ST6GALNAC5: variants seen among roughly 807,000 people sequenced by gnomAD.
The protein encoded by ST6GALNAC5 is ST6 N-acetylgalactosaminide alpha-2,6-sialyltransferase 5.
Under a neutral mutation model 33.6 loss-of-function variants are expected in ST6GALNAC5, and 27 were observed. That is an observed-to-expected ratio of 0.80 (90% confidence interval 0.59 to 1.11). The LOEUF is 1.11. Among genes scored for constraint, ST6GALNAC5 ranks in the 50% least tolerant of loss-of-function variants. The pLI is 0.00. For missense variants in ST6GALNAC5, 428 were observed against 454.0 expected (o/e 0.94, Z 0.52); for synonymous variants, 194 against 171.2 (o/e 1.13, Z -1.04).
At chr1:76,915,513 A>G (rs1040756438) in intron 2 of ST6GALNAC5, among the ~76,000 whole-genome samples, 9 of 152,238 alleles carry the variant, frequency 5.9e-5, no homozygotes, top group Admixed American at 5.2e-4. Flanking sequence ...CTACGCAGCC[A>G]TAAAAAATGA....
At chr1:77,029,294 G>A (rs552317778) in intron 2 of ST6GALNAC5, among the ~76,000 whole-genome samples, 1 of 152,320 alleles carries the variant, frequency 6.6e-6, no homozygotes, top group African/African-American at 2.4e-5. Context: ...GATCCCCAAA[G>A]ATGTGTAATA....
At chr1:76,985,808 T>G (rs910634137) in intron 2 of ST6GALNAC5, among the ~76,000 whole-genome samples, 1 of 151,980 alleles carries the variant, frequency 6.6e-6, no homozygotes, top group Admixed American at 6.6e-5. Context: ...CCAAAACAGA[T>G]ATATAGACCA....
rs946787914 is a variant in ST6GALNAC5 at position 77,064,008 on chromosome 1, A to G, written c.*802A>G. On this transcript the variant is annotated 3_prime_UTR_variant, in exon 5 of 5. Transcript: ENST00000477717. ...TGTGCAGAAATGTTCCAAAAGGACA[A>G]AATTGAAAACCAAAAACTATGTTAT... 4 of 152,602 alleles carry G rather than the reference A, an allele frequency of 2.6e-5. No individual in the cohort carries two copies. Among genetic ancestry groups the G allele is most frequent in the African/African-American group, 7.2e-5 (3 of 41,458 alleles). 9.5% of individuals were successfully genotyped at this position (152,602 alleles called of 1,614,324 possible).
intron 2 of ST6GALNAC5, among the ~76,000 whole-genome samples, chr1:77,033,353 G>T (rs2100450405): frequency 6.6e-6 from 1 of 152,308 alleles, no homozygotes; most frequent in South Asian, 2.1e-4. Flanking sequence ...TGTTTTAGTG[G>T]CAGGGAACAG....
chr1:76,967,492 T>C (rs1648546848), intron 2 of ST6GALNAC5, among the ~76,000 whole-genome samples: 1 of 152,228 alleles, frequency 6.6e-6, no homozygotes, highest in Non-Finnish European at 1.5e-5. Flanking sequence ...TTAGCAGTCT[T>C]GCTAGCAGTC....
In ST6GALNAC5 at chr1:77,026,922, G is replaced by A. The variant is rs1651261759; in HGVS notation, c.262-17282G>A. 2.0e-5 allele frequency among the ~76,000 whole-genome samples: 3 copies of A among 152,242 alleles called. No homozygotes were observed. The South Asian group carries it at 6.2e-4, about 32-fold the overall frequency. On this transcript the variant is annotated intron_variant, in intron 2 of 4. Coordinates refer to ENST00000477717, the MANE Select transcript of ST6GALNAC5 (RefSeq NM_030965.3). ...CCCACAGGCTTGTCCCCAAACTGAT[G>A]AAGAGCAAGGCAGGCACTGCGCACA...
intron 2 of ST6GALNAC5, among the ~76,000 whole-genome samples, chr1:76,895,052 C>T (rs1482129445): frequency 6.6e-6 from 1 of 151,862 alleles, no homozygotes; most frequent in Non-Finnish European, 1.5e-5. Context: ...CCAGGATGAG[C>T]CAGGAGAAGG....
At chr1:77,019,386 T>G (rs1392063141) in intron 2 of ST6GALNAC5, among the ~76,000 whole-genome samples, 1 of 152,206 alleles carries the variant, frequency 6.6e-6, no homozygotes, top group Non-Finnish European at 1.5e-5. Flanking sequence ...CCAGATTTGT[T>G]TTCATCACTG....
intron 2 of ST6GALNAC5, among the ~76,000 whole-genome samples, chr1:76,960,757 G>C (rs145956796): frequency 0.011 from 1,703 of 152,270 alleles, 30 homozygotes; most frequent in African/African-American, 0.039. Flanking sequence ...TGAAAGAAGA[G>C]AAATATGGCT....
intron 2 of ST6GALNAC5, among the ~76,000 whole-genome samples, chr1:77,022,020 C>A (rs559514374): frequency 3.9e-5 from 6 of 152,102 alleles, no homozygotes; most frequent in Non-Finnish European, 8.8e-5. Flanking sequence ...TGTCTTTTTT[C>A]CCCCAGCCAA....
At chr1:77,014,633 G>A (rs1557761489) in intron 2 of ST6GALNAC5, among the ~76,000 whole-genome samples, 1 of 152,178 alleles carries the variant, frequency 6.6e-6, no homozygotes, top group Non-Finnish European at 1.5e-5. Context: ...CCCACTGGTA[G>A]GCCAACAGAT....
chr1:76,893,586 C>T (rs984253027), intron 2 of ST6GALNAC5, among the ~76,000 whole-genome samples: 2 of 152,136 alleles, frequency 1.3e-5, no homozygotes, highest in African/African-American at 4.8e-5. Flanking sequence ...GCACAATTCC[C>T]AGCACATAGG....
At chr1:76,932,833 T>G (rs1647158470) in intron 2 of ST6GALNAC5, among the ~76,000 whole-genome samples, 1 of 152,060 alleles carries the variant, frequency 6.6e-6, no homozygotes, top group Admixed American at 6.6e-5. Context: ...TAGGATTAGT[T>G]CTTCAGATTG....
chr1:77,024,548 T>C (rs1651164506), intron 2 of ST6GALNAC5, among the ~76,000 whole-genome samples: 1 of 152,198 alleles, frequency 6.6e-6, no homozygotes, highest in African/African-American at 2.4e-5. Context: ...GGGCCTCATA[T>C]TGCAGGTGCC....
At chr1:77,002,392 T>G (rs1049150863) in intron 2 of ST6GALNAC5, among the ~76,000 whole-genome samples, 1 of 152,220 alleles carries the variant, frequency 6.6e-6, no homozygotes, top group African/African-American at 2.4e-5. Context: ...TTTTTCTTTA[T>G]TAGTCTTGAT....
intron 2 of ST6GALNAC5, among the ~76,000 whole-genome samples, chr1:76,992,968 AG>A (rs1228962314): frequency 7.2e-5 from 11 of 152,142 alleles, no homozygotes; most frequent in Admixed American, 7.2e-4. Context: ...TCCTATCTAC[AG>A]GACTAAGACC....
At chr1:76,936,755 T>G (rs1424329690) in intron 2 of ST6GALNAC5, among the ~76,000 whole-genome samples, 1 of 152,100 alleles carries the variant, frequency 6.6e-6, no homozygotes, top group Non-Finnish European at 1.5e-5. Flanking sequence ...TTGCATTAAT[T>G]GTTGAACTAC....
chr1:77,041,925 G>A (rs1570128381), intron 2 of ST6GALNAC5, among the ~76,000 whole-genome samples: 1 of 152,164 alleles, frequency 6.6e-6, no homozygotes, highest in East Asian at 1.9e-4. Context: ...TAAGAGGCAG[G>A]AAAGAGGCAA....
At chr1:76,923,415 G>A (rs960889361) in intron 2 of ST6GALNAC5, among the ~76,000 whole-genome samples, 4 of 152,038 alleles carry the variant, frequency 2.6e-5, no homozygotes, top group South Asian at 2.1e-4. Context: ...ACCCACAGCC[G>A]AGCACTGTGG....
Sources: allele counts gnomAD v4.1 joint callset (sites outside exome capture counted in the v4.1 genomes callset), GRCh38; gene constraint gnomAD v4.1.1; transcripts MANE v1.5; gene names NCBI Gene and HGNC (gene_info 2026-07-23, HGNC 2026-07-21).